LAMA2: variants seen among roughly 807,000 people sequenced by gnomAD.
The protein encoded by LAMA2 is laminin subunit alpha 2, also known as laminin subunit alpha-2.
In LAMA2, 269 loss-of-function variants were observed where a neutral mutation model predicts 364.8. That is an observed-to-expected ratio of 0.74 (90% CI 0.67 to 0.82). LAMA2 has a LOEUF of 0.82. Among genes scored for constraint, LAMA2 ranks in the 40% least tolerant of loss-of-function variants. The pLI is 0.00. For synonymous variants in LAMA2, 1,379 were observed against 1,370.6 expected, an observed-to-expected ratio of 1.01 and a Z score of -0.14; for missense variants, 3,807 against 3,873.2, an observed-to-expected ratio of 0.98 and a Z score of 0.45.
At chr6:129,129,467 A>G (rs1334824173) in intron 4 of LAMA2, among the ~76,000 whole-genome samples, 1 of 152,198 alleles carries the variant, frequency 6.6e-6, no homozygotes, top group South Asian at 2.1e-4. Flanking sequence ...TGTTTATGCC[A>G]TAAGAGAATC....
chr6:129,012,572 A>G (rs1784830256), intron 1 of LAMA2, among the ~76,000 whole-genome samples: 2 of 152,224 alleles, frequency 1.3e-5, no homozygotes, highest in Non-Finnish European at 2.9e-5. Context: ...AGCTAGTTAT[A>G]GGTTTTACCT....
At chr6:129,007,829 C>T (rs1784530337) in intron 1 of LAMA2, among the ~76,000 whole-genome samples, 3 of 152,148 alleles carry the variant, frequency 2.0e-5, no homozygotes, top group Admixed American at 2.0e-4. Context: ...ACTGTATTGT[C>T]AGTAAAATGG....
chr6:129,189,155 A>C (rs1351988554), intron 10 of LAMA2, among the ~76,000 whole-genome samples: 3 of 152,034 alleles, frequency 2.0e-5, no homozygotes, highest in Admixed American at 1.3e-4. Context: ...ATCTTTGAGC[A>C]ATACTTTTTT....
At chr6:129,336,283 A>C (rs1489155326) in intron 29 of LAMA2, among the ~76,000 whole-genome samples, 1 of 152,120 alleles carries the variant, frequency 6.6e-6, no homozygotes, top group African/African-American at 2.4e-5. Context: ...CTGTGTCTAC[A>C]AAAAATTAAA....
chr6:129,350,866 C>T (rs1373809332), intron 31 of LAMA2, among the ~76,000 whole-genome samples: 1 of 152,020 alleles, frequency 6.6e-6, no homozygotes, highest in African/African-American at 2.4e-5. Flanking sequence ...TAAATAAATC[C>T]GTATGTGGTA....
intron 12 of LAMA2, among the ~76,000 whole-genome samples, chr6:129,226,433 T>C (rs1368376956): frequency 2.0e-5 from 3 of 152,222 alleles, no homozygotes; most frequent in Non-Finnish European, 2.9e-5. Flanking sequence ...GCATCGATGG[T>C]CTTTACAATT....
intron 32 of LAMA2, among the ~76,000 whole-genome samples, chr6:129,355,416 G>A (rs565331008): frequency 6.6e-6 from 1 of 152,206 alleles, no homozygotes; most frequent in South Asian, 2.1e-4. Flanking sequence ...TCCTAGTTTT[G>A]AAATCAGATA....
intron 12 of LAMA2, among the ~76,000 whole-genome samples, chr6:129,219,587 A>T (rs374340927): frequency 1.3e-5 from 2 of 149,200 alleles, no homozygotes; most frequent in African/African-American, 2.5e-5. Flanking sequence ...CAAATGTCCA[A>T]CAATGATAGA....
At chr6:129,177,074 AT>A (rs1349063287) in intron 9 of LAMA2, among the ~76,000 whole-genome samples, 3 of 151,544 alleles carry the variant, frequency 2.0e-5, no homozygotes, top group African/African-American at 4.9e-5. Flanking sequence ...TATTATTTCT[AT>A]TTTTTAATCA....
chr6:129,315,937 T>A lies in LAMA2; in HGVS notation c.3911T>A (p.Ile1304Asn), dbSNP rs1252493254. The A allele has an allele frequency of 6.2e-7, 1 of 1,613,960 alleles. No individual in the cohort carries two copies. The highest frequency in any genetic ancestry group is 8.5e-7 in the Non-Finnish European group (1 of 1,180,014). Residue 1304 changes from isoleucine (I) to asparagine (N), a missense_variant, in exon 26 of 65, where the codon ATT (isoleucine) becomes AAT (asparagine). By Grantham distance (149) the Ile-to-Asn change is moderately radical (BLOSUM62 -3). This residue lies in a region of LAMA2 where 3,333 missense variants were observed against 3,345.7 expected (regional missense o/e 1.00). Transcript: ENST00000421865. ...ATTGGCCAATTGACAAGGCATGAAA[T>A]TGAAATGACAGAGGTAAAGTTAGTC... ...PLIGQLTRHE[I>N]EMTEKEWKYY...
At chr6:128,957,208 G>A (rs747360734) in intron 1 of LAMA2, among the ~76,000 whole-genome samples, 2 of 152,032 alleles carry the variant, frequency 1.3e-5, no homozygotes, top group African/African-American at 2.4e-5. Context: ...CTAATTGCTG[G>A]TTGTATATAA....
chr6:129,325,534 T>G (rs1287747271), intron 28 of LAMA2, among the ~76,000 whole-genome samples: 2 of 121,690 alleles, frequency 1.6e-5, no homozygotes, highest in African/African-American at 2.6e-5. Context: ...AGAATTTCTG[T>G]TTTTTTTTTT....
chr6:129,516,093 C>T (rs1316507473), intron 64 of LAMA2, 97 bp from the exon 65 acceptor site: 7 of 1,328,916 alleles, frequency 5.3e-6, no homozygotes, highest in Non-Finnish European at 7.6e-6. Context: ...AACAGCATTC[C>T]AATTTAATCT....
chr6:129,145,719 GT>G lies in LAMA2; in HGVS notation c.820-1234del, dbSNP rs541546147. ...GCAGTATAAGTCAACATATAAATAT[GT>G]TTTTTGAAAGTACTCAAGTTCAATA... On this transcript the variant is annotated intron_variant, in intron 5 of 64. Coordinates refer to ENST00000421865, the MANE Select transcript of LAMA2 (RefSeq NM_000426.4). Among the ~76,000 whole-genome samples the G allele has an allele frequency of 4.0e-4, 61 of 151,970 alleles. 1 individual carries two copies. In the East Asian group the frequency reaches 0.011, roughly 27 times the overall value.
chr6:129,482,697 G>T (rs1196189653), intron 55 of LAMA2, among the ~76,000 whole-genome samples: 1 of 152,088 alleles, frequency 6.6e-6, no homozygotes, highest in Non-Finnish European at 1.5e-5. Context: ...TTCACAAAGA[G>T]AACCCAAAGA....
chr6:129,244,002 A>T (rs1785570389), intron 12 of LAMA2, among the ~76,000 whole-genome samples: 2 of 152,018 alleles, frequency 1.3e-5, no homozygotes, highest in Non-Finnish European at 2.9e-5. Context: ...GGCAGGCAGG[A>T]TGTTTTCCTC....
intron 4 of LAMA2, among the ~76,000 whole-genome samples, chr6:129,125,722 T>C (rs1430833794): frequency 6.6e-6 from 1 of 152,180 alleles, no homozygotes; most frequent in Non-Finnish European, 1.5e-5. Flanking sequence ...AAGAAAAACT[T>C]GCACAGCATG....
At chr6:128,906,346 A>G (rs1211856556) in intron 1 of LAMA2, among the ~76,000 whole-genome samples, 3 of 131,908 alleles carry the variant, frequency 2.3e-5, no homozygotes, top group Non-Finnish European at 3.2e-5. Flanking sequence ...GTGAGATGGT[A>G]TCTCATTGTG....
intron 1 of LAMA2, among the ~76,000 whole-genome samples, chr6:128,895,451 T>G (rs1462997492): frequency 2.5e-5 from 3 of 121,702 alleles, no homozygotes; most frequent in East Asian, 2.2e-4. Context: ...GCTAACATGG[T>G]GAAACCCTGT....
Sources: allele counts gnomAD v4.1 joint callset (sites outside exome capture counted in the v4.1 genomes callset), GRCh38; gene constraint gnomAD v4.1.1; regional missense constraint gnomAD v4.1.1; transcripts MANE v1.5; gene names NCBI Gene and HGNC (gene_info 2026-07-23, HGNC 2026-07-21).